CNOT2: variants seen among roughly 807,000 people sequenced by gnomAD.
CNOT2 encodes the protein CCR4-NOT transcription complex subunit 2, also known as CC chemokine receptor 4-negative regulator of transcription 2.
A neutral mutation model predicts 72.1 loss-of-function variants in CNOT2; 7 were observed. That is an observed-to-expected ratio of 0.10 (90% CI 0.06 to 0.18). The LOEUF is 0.18. Among genes scored for constraint, CNOT2 ranks in the 10% least tolerant of loss-of-function variants. The probability of loss-of-function intolerance (pLI) is 1.00; values close to 1 mark genes in which losing one functional copy is unlikely to be tolerated. For synonymous variants in CNOT2, 196 were observed against 225.6 expected (o/e 0.87, Z 1.17); for missense variants, 345 against 660.3 (o/e 0.52, Z 5.23).
intron 2 of CNOT2, among the ~76,000 whole-genome samples, chr12:70,308,580 TCTCTCA>T (rs1399928289): frequency 1.3e-4 from 18 of 142,048 alleles, no homozygotes; most frequent in African/African-American, 4.4e-4. Flanking sequence ...TCTCTCTCTC[TCTCTCA>T]CACACACACA....
rs577877894 is a variant in CNOT2, at chr12:70,245,253, T to A, written c.-96+1773T>A. ...ATAATGTTAAATCTAAAGAAAAAAA[T>A]ACAAAATACACTTAAAGACAAAACA... On this transcript the variant is annotated intron_variant, in intron 1 of 15. Transcript: ENST00000229195. Among the ~76,000 whole-genome samples the A allele has an allele frequency of 5.9e-5, 9 of 152,254 alleles. No homozygotes were observed. The South Asian group carries it at 1.9e-3, about 32-fold the overall frequency.
rs1876345851 is a variant in CNOT2 at position 70,310,939 on chromosome 12, G to A, written c.93G>A (p.Glu31=). Residue 31 remains glutamate, a synonymous_variant, in exon 3 of 16, where the codon GAG becomes GAA. Coordinates refer to ENST00000229195, the MANE Select transcript of CNOT2 (RefSeq NM_014515.7). ...MFGASRKKFV[E]GVDSDYHDEN... ...GTGCTTCAAGAAAGAAGTTTGTAGA[G>A]GGGGTCGACAGTGACTACCATGACG... The A allele has an allele frequency of 6.2e-7, 1 of 1,610,998 alleles. No homozygotes were observed. The highest frequency in any genetic ancestry group is 1.3e-5 in the African/African-American group (1 of 74,832).
intron 11 of CNOT2, among the ~76,000 whole-genome samples, chr12:70,340,234 G>T (rs1593274290): frequency 6.6e-6 from 1 of 152,126 alleles, no homozygotes; most frequent in South Asian, 2.1e-4. Context: ...GTGGTCACTT[G>T]GAGGAACTCT....
In CNOT2 at chr12:70,276,240, A is replaced by T. The variant is rs1397823406; in HGVS notation, c.-95-1892A>T. 2.1e-4 allele frequency among the ~76,000 whole-genome samples: 32 copies of T among 152,112 alleles called. No homozygotes were observed. In the East Asian group the frequency reaches 6.0e-3, roughly 28 times the overall value. Reference sequence around the variant, plus strand: ...TTTCAGTCATTATTTTTTGTATATAATTAGGTTGTATTAAAGATGTATACA... The same window carrying T: ...TTTCAGTCATTATTTTTTGTATATATTTAGGTTGTATTAAAGATGTATACA... On this transcript the variant is annotated intron_variant, in intron 1 of 15. Coordinates refer to ENST00000229195, the MANE Select transcript of CNOT2 (RefSeq NM_014515.7).
At chr12:70,261,098 A>AT (rs1482704036) in intron 1 of CNOT2, among the ~76,000 whole-genome samples, 3 of 150,444 alleles carry the variant, frequency 2.0e-5, no homozygotes, top group Admixed American at 6.6e-5. Flanking sequence ...GGGCTGTTAG[A>AT]TTTTTTCAGA....
chr12:70,312,411 T>G (rs1876623090), intron 3 of CNOT2, among the ~76,000 whole-genome samples: 1 of 151,900 alleles, frequency 6.6e-6, no homozygotes, highest in African/African-American at 2.4e-5. Context: ...TTTATTCTAA[T>G]TAGGAAGATA....
intron 2 of CNOT2, among the ~76,000 whole-genome samples, chr12:70,305,978 AT>A (rs1875295954): frequency 6.8e-6 from 1 of 147,826 alleles, no homozygotes; most frequent in Non-Finnish European, 1.5e-5. Flanking sequence ...TGCCTTAGGA[AT>A]TCATAGCTAG....
chr12:70,300,540 C>T (rs1300504597), intron 2 of CNOT2, among the ~76,000 whole-genome samples: 3 of 152,022 alleles, frequency 2.0e-5, no homozygotes, highest in Non-Finnish European at 2.9e-5. Flanking sequence ...AGATATGTGG[C>T]GTTATTTCTG....
chr12:70,339,236 C>T (rs933553438), intron 11 of CNOT2, among the ~76,000 whole-genome samples: 1 of 151,958 alleles, frequency 6.6e-6, no homozygotes, highest in African/African-American at 2.4e-5. Context: ...TAACTGCAGT[C>T]TCTCAATTTT....
At chr12:70,263,393 A>G (rs1372791683) in intron 1 of CNOT2, among the ~76,000 whole-genome samples, 1 of 151,652 alleles carries the variant, frequency 6.6e-6, no homozygotes, top group Non-Finnish European at 1.5e-5. Context: ...ACATTTTTTA[A>G]TTAATTTTTC....
intron 11 of CNOT2, among the ~76,000 whole-genome samples, chr12:70,341,664 G>T (rs1044472117): frequency 6.6e-6 from 1 of 152,012 alleles, no homozygotes; most frequent in Non-Finnish European, 1.5e-5. Flanking sequence ...CATATAATAG[G>T]CACTCAGTAA....
At chr12:70,340,983 C>T (rs1222078586) in intron 11 of CNOT2, among the ~76,000 whole-genome samples, 2 of 150,542 alleles carry the variant, frequency 1.3e-5, no homozygotes. Context: ...ACAACCTCCA[C>T]CTCCCAGGTC....
At chr12:70,347,235 C>T (rs1290295610) in intron 15 of CNOT2, among the ~76,000 whole-genome samples, 3 of 151,946 alleles carry the variant, frequency 2.0e-5, no homozygotes, top group Non-Finnish European at 4.4e-5. Flanking sequence ...TTTGAATCTG[C>T]TTTACTAAAA....
In CNOT2 at chr12:70,286,748, C is replaced by T. The variant is rs916334895; in HGVS notation, c.48+8474C>T. 2.0e-5 allele frequency among the ~76,000 whole-genome samples: 3 copies of T among 148,258 alleles called. 1 individual carries two copies. The highest frequency in any genetic ancestry group is 4.4e-5 in the Non-Finnish European group (3 of 67,470). On this transcript the variant is annotated intron_variant, in intron 2 of 15. Coordinates refer to ENST00000229195, the MANE Select transcript of CNOT2 (RefSeq NM_014515.7). ...AATTTAGAATATTCATGAGAATGCT[C>T]CCCTCCAACACAAAAAGAAGTATTG... is the stretch of plus-strand genomic sequence containing the variant.
chr12:70,346,061 CAT>C (rs1882127599), intron 14 of CNOT2, 117 bp from the exon 15 acceptor site: 1 of 625,628 alleles, frequency 1.6e-6, no homozygotes, highest in African/African-American at 1.9e-5. Context: ...AGGAAGCATT[CAT>C]ATTTATTTAT....
intron 3 of CNOT2, among the ~76,000 whole-genome samples, chr12:70,314,349 C>G (rs79049048): frequency 0.025 from 3,731 of 151,572 alleles, 160 homozygotes; most frequent in African/African-American, 0.085. Context: ...TCTCAGTTTT[C>G]TCATCTGTAA....
intron 2 of CNOT2, among the ~76,000 whole-genome samples, chr12:70,303,300 T>C (rs1200263155): frequency 6.6e-6 from 1 of 152,242 alleles, no homozygotes; most frequent in Non-Finnish European, 1.5e-5. Context: ...TGATGCAGTT[T>C]CTTCCTAGCC....
At chr12:70,353,248 T>A (rs1883093979) in intron 15 of CNOT2, among the ~76,000 whole-genome samples, 1 of 151,994 alleles carries the variant, frequency 6.6e-6, no homozygotes. Flanking sequence ...AATTTTTGTA[T>A]TTTTAGTACA....
chr12:70,354,162 A>G lies in CNOT2; in HGVS notation c.*247A>G, dbSNP rs1883217878. On this transcript the variant is annotated 3_prime_UTR_variant, in exon 16 of 16. Coordinates refer to ENST00000229195, the MANE Select transcript of CNOT2 (RefSeq NM_014515.7). ...GAGCAGGGTCTGAATTTTTTCATTT[A>G]TTTCCTTTTTTGCCAGCAGACAGAC... 3.2e-6 allele frequency: 2 copies of G among 627,400 alleles called. No homozygotes were observed. The highest frequency in any genetic ancestry group is 4.1e-5 in the Admixed American group (1 of 24,586). 38.9% of individuals were successfully genotyped at this position (627,400 alleles called of 1,614,324 possible). A position where few individuals can be genotyped will look rare whatever the true frequency, so the allele number is the denominator to read the frequency against.
Sources: gnomAD v4.1 joint callset for allele counts (sites outside exome capture counted in the v4.1 genomes callset) on GRCh38, gnomAD v4.1.1 for gene constraint, MANE v1.5 for transcripts, NCBI Gene and HGNC (gene_info 2026-07-23, HGNC 2026-07-21) for gene names.